The following TRIM69 variants were observed in gnomAD, a reference collection of about 807,000 sequenced individuals.
TRIM69 encodes the protein tripartite motif containing 69, also known as E3 ubiquitin-protein ligase TRIM69.
TRIM69 carries 29 observed loss-of-function variants against 37.7 expected under a neutral mutation model. The ratio of observed to expected loss-of-function variants is 0.77; its 90% CI spans 0.57 to 1.05. The LOEUF is 1.05. Among genes scored for constraint, TRIM69 ranks in the 50% least tolerant of loss-of-function variants. The pLI is 0.00. For synonymous variants in TRIM69, 209 were observed against 212.4 expected (o/e 0.98, Z 0.14); for missense variants, 596 against 579.9 (o/e 1.03, Z -0.28).
At chr15:44,752,724 AT>A (rs925969789) in intron 1 of TRIM69, among the ~76,000 whole-genome samples, 3 of 151,688 alleles carry the variant, frequency 2.0e-5, no homozygotes, top group African/African-American at 4.8e-5. Context: ...TGATTAACTG[AT>A]TTTTTTCTAG....
chr15:44,767,282 T>C lies in TRIM69; in HGVS notation c.1013T>C (p.Leu338Pro). The C allele has an allele frequency of 6.2e-7, 1 of 1,613,936 alleles. No homozygotes were observed. The highest frequency in any genetic ancestry group is 1.1e-5 in the South Asian group (1 of 91,064). Reference protein sequence around the residue: ...DPKTAHPNLVLSKSQTSVWHG... With the variant: ...DPKTAHPNLVPSKSQTSVWHG... ...AAAACAGCTCACCCAAATCTGGTGC[T>C]CTCCAAAAGCCAAACCAGCGTCTGG... The change falls in exon 7 of 7, where the codon CTC (leucine) becomes CCC (proline). Residue 338 changes from leucine to proline, a missense_variant. By Grantham distance (98) the Leu-to-Pro change is moderately conservative. Transcript: ENST00000329464.
chr15:44,767,767 C>A lies in TRIM69; in HGVS notation c.1498C>A (p.Gln500Lys). ...NKEPLHILHP[Q>K] Reference sequence around the variant, plus strand: ...AGAACCATTGCACATCTTACATCCACAGTAATGAGTCATAATATTATACAA... The same window carrying A: ...AGAACCATTGCACATCTTACATCCAAAGTAATGAGTCATAATATTATACAA... The change falls in exon 7 of 7, where the codon CAG becomes AAG. Residue 500 changes from glutamine (Q) to lysine (K), a missense_variant. Transcript: ENST00000329464. The A allele has an allele frequency of 1.2e-6, 2 of 1,609,342 alleles. No individual in the cohort carries two copies. The highest frequency in any genetic ancestry group is 1.7e-6 in the Non-Finnish European group (2 of 1,178,700).
chr15:44,740,034 C>A (rs2087247805), intron 1 of TRIM69, among the ~76,000 whole-genome samples: 1 of 152,204 alleles, frequency 6.6e-6, no homozygotes, highest in South Asian at 2.1e-4. Flanking sequence ...TGAGACAAAA[C>A]TTCCAGAGGA....
intron 1 of TRIM69, 93 bp from the exon 2 acceptor site, chr15:44,754,807 A>G (rs1329189205): frequency 2.1e-6 from 2 of 938,062 alleles, no homozygotes; most frequent in South Asian, 1.6e-5. Context: ...AGTTGTACCA[A>G]TTTTCAGCTC....
chr15:44,759,385 G>C (rs112355810), intron 4 of TRIM69, among the ~76,000 whole-genome samples: 26 of 152,312 alleles, frequency 1.7e-4, no homozygotes, highest in African/African-American at 5.8e-4. Context: ...GGTAAAGATA[G>C]CTTAACCTTA....
chr15:44,758,668 G>C lies in TRIM69; in HGVS notation c.627G>C (p.Lys209Asn). 1.2e-6 allele frequency: 2 copies of C among 1,614,148 alleles called. No homozygotes were observed. The highest frequency in any genetic ancestry group is 1.7e-6 in the Non-Finnish European group (2 of 1,180,016). Residue 209 changes from lysine (K) to asparagine (N), a missense_variant, in exon 4 of 7, where the codon AAG becomes AAC. Coordinates refer to ENST00000329464, the MANE Select transcript of TRIM69 (RefSeq NM_182985.5). Reference sequence around the variant, plus strand: ...AACATGTGTCCATGGAGTTTCTAAAGCTGCATCAGTTCCTGCACAGCAAAG... The same window carrying C: ...AACATGTGTCCATGGAGTTTCTAAACCTGCATCAGTTCCTGCACAGCAAAG... ...LQQHVSMEFL[K>N]LHQFLHSKEK...
At chr15:44,738,300 A>G (rs1442239648) in intron 1 of TRIM69, among the ~76,000 whole-genome samples, 1 of 149,700 alleles carries the variant, frequency 6.7e-6, no homozygotes, top group Non-Finnish European at 1.5e-5. Flanking sequence ...CCAACTCCTG[A>G]CCTCAGGTGA....
chr15:44,754,597 A>G, intron 1 of TRIM69: 2 of 323,084 alleles, frequency 6.2e-6, no homozygotes, highest in Non-Finnish European at 1.1e-5. Flanking sequence ...CAGAAGTTGA[A>G]AAATAAAACT....
At chr15:44,765,327 T>C (rs1324502343) in intron 6 of TRIM69, among the ~76,000 whole-genome samples, 1 of 152,192 alleles carries the variant, frequency 6.6e-6, no homozygotes, top group Non-Finnish European at 1.5e-5. Flanking sequence ...TTCCAAAACG[T>C]TGCTAAAAAG....
chr15:44,748,870 T>A (rs2087463248), intron 1 of TRIM69, among the ~76,000 whole-genome samples: 1 of 147,742 alleles, frequency 6.8e-6, no homozygotes, highest in Admixed American at 6.7e-5. Flanking sequence ...CGGAGTCAAA[T>A]GGCTTCAGTT....
At chr15:44,747,380 T>C (rs1398347076) in intron 1 of TRIM69, among the ~76,000 whole-genome samples, 1 of 152,296 alleles carries the variant, frequency 6.6e-6, no homozygotes, top group African/African-American at 2.4e-5. Context: ...TCCATCCTCA[T>C]ACAAGTCTCT....
rs551437038 is a variant in TRIM69 at position 44,739,892 on chromosome 15, C to T, written c.6+3182C>T. Among the ~76,000 whole-genome samples the T allele has an allele frequency of 3.4e-3, 510 of 151,534 alleles. 5 individuals are homozygous for T. The highest frequency in any genetic ancestry group is 0.012 in the African/African-American group (479 of 41,302). On this transcript the variant is annotated intron_variant, in intron 1 of 6. Coordinates refer to ENST00000329464, the MANE Select transcript of TRIM69 (RefSeq NM_182985.5). ...GAAGAGAGCAGTGGTTCTCCCAGCA[C>T]GCAGCTGGAGATCTGAGAATGGGCA...
chr15:44,751,937 T>G (rs947846304), intron 1 of TRIM69, among the ~76,000 whole-genome samples: 1 of 151,674 alleles, frequency 6.6e-6, no homozygotes, highest in Non-Finnish European at 1.5e-5. Flanking sequence ...GTATTTTTGG[T>G]AGAGACAGGG....
In TRIM69 at chr15:44,758,764, C is replaced by A; in HGVS notation, c.723C>A (p.Ser241Arg). Residue 241 changes from serine (S) to arginine (R), a missense_variant, in exon 4 of 7, where the codon AGC becomes AGA. Ser to Arg is a moderately radical substitution (Grantham distance 110). Coordinates refer to ENST00000329464, the MANE Select transcript of TRIM69 (RefSeq NM_182985.5). ...ATGAGGAGATGGAGTTGAATCTGAG[C>A]CAGCTTCAGGAGCAATGTCTCTTAG... Reference protein sequence around the residue: ...ALNEEMELNLSQLQEQCLLAK... With the variant: ...ALNEEMELNLRQLQEQCLLAK... The A allele has an allele frequency of 6.2e-7, 1 of 1,614,114 alleles. No homozygotes were observed. Among genetic ancestry groups the A allele is most frequent in the South Asian group, 1.1e-5 (1 of 91,080 alleles).
At chr15:44,738,443 G>A (rs1330440358) in intron 1 of TRIM69, among the ~76,000 whole-genome samples, 3 of 152,156 alleles carry the variant, frequency 2.0e-5, no homozygotes, top group East Asian at 1.9e-4. Flanking sequence ...TTCCTGACTC[G>A]AGTTTCTCTC....
At chr15:44,745,510 C>T (rs933157947) in intron 1 of TRIM69, among the ~76,000 whole-genome samples, 1 of 152,092 alleles carries the variant, frequency 6.6e-6, no homozygotes, top group Non-Finnish European at 1.5e-5. Flanking sequence ...TAAATAAGAA[C>T]ATATGGCCCA....
intron 6 of TRIM69, among the ~76,000 whole-genome samples, chr15:44,763,963 G>T (rs1320109336): frequency 4.6e-5 from 7 of 152,146 alleles, no homozygotes; most frequent in Non-Finnish European, 1.5e-5. Flanking sequence ...TCCCAGCCTT[G>T]TGTGAGCTCC....
intron 1 of TRIM69, among the ~76,000 whole-genome samples, chr15:44,744,085 C>T (rs866353956): frequency 9.3e-5 from 14 of 151,316 alleles, no homozygotes; most frequent in Non-Finnish European, 1.2e-4. Context: ...GACTGGATTA[C>T]GAAAATGTGG....
chr15:44,764,202 C>G (rs2087840604), intron 6 of TRIM69, among the ~76,000 whole-genome samples: 1 of 152,180 alleles, frequency 6.6e-6, no homozygotes, highest in South Asian at 2.1e-4. Context: ...TAAAGCCAAA[C>G]TTCACTTCTA....
Sources: gnomAD v4.1 joint callset for allele counts (sites outside exome capture counted in the v4.1 genomes callset) on GRCh38, gnomAD v4.1.1 for gene constraint, MANE v1.5 for transcripts, NCBI Gene and HGNC (gene_info 2026-07-23, HGNC 2026-07-21) for gene names.